The following SUGCT variants were observed in gnomAD, a reference collection of about 807,000 sequenced individuals.
SUGCT encodes the protein succinyl-CoA:glutarate-CoA transferase.
Under a neutral mutation model 55.0 loss-of-function variants are expected in SUGCT, and 41 were observed. That is an observed-to-expected ratio of 0.74 (90% CI 0.58 to 0.97). SUGCT has a LOEUF of 0.97. SUGCT is among the 50% of genes least tolerant of loss of function. The pLI is 0.00. For missense variants in SUGCT, 568 were observed against 547.8 expected (o/e 1.04, Z -0.37); for synonymous variants, 187 against 200.4 (o/e 0.93, Z 0.56).
intron 12 of SUGCT, among the ~76,000 whole-genome samples, chr7:40,661,890 C>T (rs1280987300): frequency 6.6e-6 from 1 of 152,146 alleles, no homozygotes; most frequent in Non-Finnish European, 1.5e-5. Context: ...TGACCTCATC[C>T]AGTTTGAGTT....
the SUGCT span, among the ~76,000 whole-genome samples, chr7:40,876,436 C>T: frequency 1.3e-5 from 2 of 152,066 alleles, no homozygotes; most frequent in African/African-American, 4.8e-5. Context: ...CAATTTATTC[C>T]CTGGAAAGAA....
intron 12 of SUGCT, among the ~76,000 whole-genome samples, chr7:40,626,097 A>G (rs905372205): frequency 6.6e-6 from 1 of 152,082 alleles, no homozygotes; most frequent in South Asian, 2.1e-4. Context: ...GTTCTTAACT[A>G]CCATACCAGG....
chr7:40,689,411 T>G (rs1480666714), intron 12 of SUGCT, among the ~76,000 whole-genome samples: 2 of 152,186 alleles, frequency 1.3e-5, no homozygotes, highest in Non-Finnish European at 2.9e-5. Flanking sequence ...AGAAAGACCA[T>G]AGTTTGTTTA....
At chr7:40,965,959 G>C in the SUGCT span, 2 of 152,158 alleles carry the variant, frequency 1.3e-5, no homozygotes, top group African/African-American at 4.8e-5. Context: ...CACAAGGCAG[G>C]TTTCAGGGTG....
intron 5 of SUGCT, 104 bp from the exon 6 acceptor site, chr7:40,194,836 T>C: frequency 7.5e-7 from 1 of 1,340,462 alleles, no homozygotes; most frequent in Non-Finnish European, 9.9e-7. Flanking sequence ...TCCTGTGATT[T>C]TTCTGAGCTA....
chr7:40,795,433 C>T (rs571380166), intron 13 of SUGCT, among the ~76,000 whole-genome samples: 16 of 152,230 alleles, frequency 1.1e-4, no homozygotes, highest in Middle Eastern at 3.4e-3. Flanking sequence ...GTTGGCTTCT[C>T]TCCTAAAAAC....
intron 13 of SUGCT, among the ~76,000 whole-genome samples, chr7:40,852,587 A>G (rs1171743304): frequency 6.6e-6 from 1 of 150,766 alleles, no homozygotes; most frequent in Non-Finnish European, 1.5e-5. Context: ...CTGTTAAATT[A>G]CATGCTAGCC....
At chr7:40,262,803 A>G (rs1418242009) in intron 7 of SUGCT, among the ~76,000 whole-genome samples, 1 of 152,244 alleles carries the variant, frequency 6.6e-6, no homozygotes, top group Non-Finnish European at 1.5e-5. Context: ...ATATTGATGT[A>G]TAATAAAACA....
chr7:40,875,133 T>C, the SUGCT span, among the ~76,000 whole-genome samples: 1 of 152,228 alleles, frequency 6.6e-6, no homozygotes, highest in Non-Finnish European at 1.5e-5. Context: ...CTGAGATAGA[T>C]TGGAAATTTC....
chr7:40,663,073 A>G (rs1023563401), intron 12 of SUGCT, among the ~76,000 whole-genome samples: 5 of 152,340 alleles, frequency 3.3e-5, no homozygotes, highest in African/African-American at 1.2e-4. Flanking sequence ...TTAGTACTTT[A>G]AATGACATTA....
chr7:40,754,015 T>G (rs532334536), intron 13 of SUGCT, among the ~76,000 whole-genome samples: 3 of 152,176 alleles, frequency 2.0e-5, no homozygotes, highest in Admixed American at 6.5e-5. Context: ...TAATAAAGAG[T>G]TAGGAAAGAA....
chr7:40,940,824 C>T, the SUGCT span, among the ~76,000 whole-genome samples: 64 of 151,950 alleles, frequency 4.2e-4, no homozygotes, highest in Middle Eastern at 3.4e-3. Flanking sequence ...GTTTTCTAGA[C>T]AGTTGGATAT....
chr7:40,840,100 C>G (rs896588573), intron 13 of SUGCT, among the ~76,000 whole-genome samples: 32 of 152,254 alleles, frequency 2.1e-4, no homozygotes, highest in African/African-American at 7.2e-4. Flanking sequence ...CCTCAGTTTT[C>G]TAGCATGCCA....
At chr7:40,480,124 CT>C (rs1790942928) in intron 11 of SUGCT, among the ~76,000 whole-genome samples, 2 of 151,966 alleles carry the variant, frequency 1.3e-5, no homozygotes, top group African/African-American at 4.8e-5. Context: ...TTCCCCCCAT[CT>C]TTTTCTATTA....
At chr7:40,461,831 A>G (rs747185074) in intron 11 of SUGCT, among the ~76,000 whole-genome samples, 35 of 152,224 alleles carry the variant, frequency 2.3e-4, no homozygotes, top group Non-Finnish European at 4.1e-4. Context: ...TACATGCCAG[A>G]TAAGTGTTAT....
chr7:40,246,259 T>TC (rs1340535464), intron 7 of SUGCT, among the ~76,000 whole-genome samples: 1 of 151,720 alleles, frequency 6.6e-6, no homozygotes, highest in Non-Finnish European at 1.5e-5. Flanking sequence ...TTCTTTTTTT[T>TC]TTTTCTTTGA....
chr7:40,352,604 G>A (rs1797690223), intron 9 of SUGCT, among the ~76,000 whole-genome samples: 1 of 152,112 alleles, frequency 6.6e-6, no homozygotes, highest in South Asian at 2.1e-4. Context: ...TCAGATAATG[G>A]TCTGCAGTTC....
intron 12 of SUGCT, chr7:40,683,954 T>TG: frequency 1.3e-6 from 2 of 1,516,322 alleles, no homozygotes; most frequent in East Asian, 2.4e-5. Flanking sequence ...CTGGAGGTTT[T>TG]GGGGGAAAAG....
chr7:40,591,199 A>C (rs1276187274), intron 12 of SUGCT, among the ~76,000 whole-genome samples: 2 of 152,236 alleles, frequency 1.3e-5, no homozygotes, highest in Non-Finnish European at 2.9e-5. Context: ...GGAGGTTGAA[A>C]TACCAATATT....
Sources: gnomAD v4.1 joint callset for allele counts (sites outside exome capture counted in the v4.1 genomes callset) on GRCh38, gnomAD v4.1.1 for gene constraint, MANE v1.5 for transcripts, NCBI Gene and HGNC (gene_info 2026-07-23, HGNC 2026-07-21) for gene names.